The following ASTN2 variants were observed in gnomAD, a reference collection of about 807,000 sequenced individuals.
ASTN2 encodes the protein astrotactin-2.
ASTN2 carries 54 observed loss-of-function variants against 139.8 expected under a neutral mutation model. The ratio of observed to expected loss-of-function variants is 0.39; its 90% CI spans 0.31 to 0.48. The LOEUF (loss-of-function observed/expected upper bound fraction) is 0.48. Among genes scored for constraint, ASTN2 ranks in the 20% least tolerant of loss-of-function variants. ASTN2 has a pLI of 0.95. For synonymous variants in ASTN2, 756 were observed against 719.5 expected, an observed-to-expected ratio of 1.05 and a Z score of -0.81; for missense variants, 1,565 against 1,725.1, an observed-to-expected ratio of 0.91 and a Z score of 1.64.
chr9:117,372,320 A>T (rs1480604681), intron 1 of ASTN2, among the ~76,000 whole-genome samples: 1 of 152,150 alleles, frequency 6.6e-6, no homozygotes, highest in Non-Finnish European at 1.5e-5. Context: ...GAAGGAGCCT[A>T]AGTCAATGAT....
At position 116,639,422 on chromosome 9, in the gene ASTN2, G is replaced by A. The variant is rs142379789; in HGVS notation, c.3072+12106C>T. Among the ~76,000 whole-genome samples the A allele has an allele frequency of 5.9e-3, 903 of 152,278 alleles. 10 individuals are homozygous for A. Among genetic ancestry groups the A allele is most frequent in the African/African-American group, 0.02 (847 of 41,544 alleles). ...TTCAACTGCATATGCCTGGTGAATT[G>A]TGAGACACATCTGGAATGACTTTTT... On this transcript the variant is annotated intron_variant, in intron 17 of 22. Transcript: ENST00000313400.
chr9:116,845,663 G>T (rs1330531792), intron 11 of ASTN2, among the ~76,000 whole-genome samples: 1 of 152,170 alleles, frequency 6.6e-6, no homozygotes, highest in African/African-American at 2.4e-5. Context: ...TTAGCGAAAT[G>T]CAAATCGAAA....
chr9:116,543,802 C>T (rs545863249), intron 19 of ASTN2: 2 of 152,218 alleles, frequency 1.3e-5, no homozygotes, highest in East Asian at 1.9e-4. Flanking sequence ...CTGACAAACC[C>T]GCTGGCCCCA....
intron 3 of ASTN2, among the ~76,000 whole-genome samples, chr9:117,194,822 T>G (rs1296661187): frequency 6.6e-6 from 1 of 152,244 alleles, no homozygotes; most frequent in East Asian, 1.9e-4. Context: ...TAATACATTC[T>G]TTATGAGATA....
intron 3 of ASTN2, among the ~76,000 whole-genome samples, chr9:117,145,240 C>A (rs1460066269): frequency 1.3e-5 from 2 of 152,128 alleles, no homozygotes; most frequent in African/African-American, 4.8e-5. Flanking sequence ...AGACTCAATA[C>A]CCGCATTCCT....
At chr9:117,186,003 T>C (rs1264592261) in intron 3 of ASTN2, among the ~76,000 whole-genome samples, 1 of 152,072 alleles carries the variant, frequency 6.6e-6, no homozygotes, top group Non-Finnish European at 1.5e-5. Context: ...AGCAGAGTTA[T>C]TGGTGAAAAG....
intron 19 of ASTN2, among the ~76,000 whole-genome samples, chr9:116,531,834 A>G (rs527766049): frequency 2.3e-4 from 35 of 152,320 alleles, no homozygotes; most frequent in African/African-American, 8.2e-4. Context: ...ATACGTGTGC[A>G]TGTGTCTTTA....
At chr9:117,305,776 A>C (rs1422653261) in intron 1 of ASTN2, among the ~76,000 whole-genome samples, 3 of 152,220 alleles carry the variant, frequency 2.0e-5, no homozygotes, top group African/African-American at 4.8e-5. Context: ...AGCTGTGTGC[A>C]CATATCTCAT....
intron 10 of ASTN2, among the ~76,000 whole-genome samples, chr9:116,895,898 T>C (rs918431143): frequency 4.6e-5 from 7 of 152,306 alleles, no homozygotes; most frequent in African/African-American, 1.7e-4. Context: ...GGGAGTGGAA[T>C]TAGGTTATTA....
At chr9:117,135,403 G>A (rs1829927442) in intron 4 of ASTN2, among the ~76,000 whole-genome samples, 1 of 152,160 alleles carries the variant, frequency 6.6e-6, no homozygotes, top group South Asian at 2.1e-4. Flanking sequence ...TCAGTAGATG[G>A]TAGGCTGCAC....
At chr9:116,797,255 T>TA (rs1830723058) in intron 13 of ASTN2, among the ~76,000 whole-genome samples, 1 of 152,222 alleles carries the variant, frequency 6.6e-6, no homozygotes, top group African/African-American at 2.4e-5. Context: ...AACAGCTTTT[T>TA]ATATGTCAAT....
chr9:116,975,240 A>T lies in ASTN2; in HGVS notation c.1857T>A (p.Asp619Glu). 1 of 1,613,374 alleles carries T rather than the reference A, an allele frequency of 6.2e-7. No homozygotes were observed. The highest frequency in any genetic ancestry group is 1.1e-5 in the South Asian group (1 of 90,904). ...SINPLASCKT[D>E]VLVTEDPADV... is the part of the protein sequence containing the mutation. ...CTGCAGGGTCTTCCGTGACGAGCAC[A>T]TCGGTCTTGCAGCTGGCCAGGGGGT... is the stretch of plus-strand genomic sequence containing the variant. Residue 619 changes from aspartate (D) to glutamate (E), a missense_variant, in exon 10 of 23, where the codon GAT becomes GAA. Coordinates refer to ENST00000313400, the MANE Select transcript of ASTN2 (RefSeq NM_001365068.1).
chr9:117,200,995 G>GTTTTTT (rs1831693666), intron 3 of ASTN2, among the ~76,000 whole-genome samples: 1 of 49,254 alleles, frequency 2.0e-5, no homozygotes, highest in Non-Finnish European at 4.5e-5. Flanking sequence ...CTGGTCCTGG[G>GTTTTTT]CTTTTTTTTT....
intron 11 of ASTN2, among the ~76,000 whole-genome samples, chr9:116,838,116 G>T (rs28513859): frequency 0.23 from 29,171 of 124,274 alleles, 3,922 homozygotes; most frequent in East Asian, 0.54. Context: ...TTTTTGTTTT[G>T]TTTTGTTTTT....
At chr9:116,762,972 T>C (rs1214749712) in intron 13 of ASTN2, among the ~76,000 whole-genome samples, 1 of 152,242 alleles carries the variant, frequency 6.6e-6, no homozygotes, top group African/African-American at 2.4e-5. Flanking sequence ...CTCAGAGAAA[T>C]TGGCTCATTT....
chr9:117,146,558 T>A (rs1200983829), intron 3 of ASTN2, among the ~76,000 whole-genome samples: 1 of 148,472 alleles, frequency 6.7e-6, no homozygotes, highest in Non-Finnish European at 1.5e-5. Context: ...GGGTCTAAGA[T>A]GAGTGGGAAG....
At chr9:117,379,013 G>A (rs1291671163) in intron 1 of ASTN2, among the ~76,000 whole-genome samples, 3 of 152,126 alleles carry the variant, frequency 2.0e-5, no homozygotes, top group Non-Finnish European at 2.9e-5. Flanking sequence ...CGTGTGAGAC[G>A]TCATGCTCCC....
chr9:116,918,462 C>T (rs1403330688), intron 10 of ASTN2, among the ~76,000 whole-genome samples: 1 of 152,198 alleles, frequency 6.6e-6, no homozygotes, highest in African/African-American at 2.4e-5. Flanking sequence ...TTCTTTCTCT[C>T]CCAGCTCTTC....
At chr9:116,494,828 C>A (rs1040913868) in intron 19 of ASTN2, among the ~76,000 whole-genome samples, 14 of 152,312 alleles carry the variant, frequency 9.2e-5, no homozygotes, top group Admixed American at 2.6e-4. Flanking sequence ...CACCCAAAGT[C>A]TGTGCCTTTC....
Sources: gnomAD v4.1 joint callset for allele counts (sites outside exome capture counted in the v4.1 genomes callset) on GRCh38, gnomAD v4.1.1 for gene constraint, MANE v1.5 for transcripts, NCBI Gene and HGNC (gene_info 2026-07-23, HGNC 2026-07-21) for gene names.